Variants in HPSE2 observed in about 807,000 individuals in gnomAD.
HPSE2 encodes the protein inactive heparanase-2.
HPSE2 carries 38 observed loss-of-function variants against 60.5 expected under a neutral mutation model. The observed-to-expected ratio is 0.63, with a 90% CI of 0.48 to 0.82. The LOEUF (loss-of-function observed/expected upper bound fraction) is 0.82, where lower values mean the gene tolerates loss of function less well. Among genes scored for constraint, HPSE2 ranks in the 40% least tolerant of loss-of-function variants. The probability of loss-of-function intolerance (pLI) is 0.00; values close to 1 mark genes in which losing one functional copy is unlikely to be tolerated. For synonymous variants in HPSE2, 295 were observed against 293.2 expected (o/e 1.01, Z -0.06); for missense variants, 713 against 740.4 (o/e 0.96, Z 0.43).
chr10:99,259,684 A>G, the HPSE2 span, among the ~76,000 whole-genome samples: 6 of 152,334 alleles, frequency 3.9e-5, no homozygotes, highest in African/African-American at 1.4e-4. Context: ...ACTCTAAGGC[A>G]GGGGTCCCCA....
At chr10:98,506,250 T>C (rs1357870332) in intron 9 of HPSE2, among the ~76,000 whole-genome samples, 2 of 152,202 alleles carry the variant, frequency 1.3e-5, no homozygotes, top group Non-Finnish European at 2.9e-5. Context: ...CTAGATCTTT[T>C]ATAATGAAAA....
At chr10:99,260,481 C>A in the HPSE2 span, among the ~76,000 whole-genome samples, 1 of 152,180 alleles carries the variant, frequency 6.6e-6, no homozygotes, top group African/African-American at 2.4e-5. Flanking sequence ...GGTAAGCAGT[C>A]TTTTCACTCT....
intron 9 of HPSE2, among the ~76,000 whole-genome samples, chr10:98,544,260 T>C (rs889732133): frequency 2.0e-5 from 3 of 152,140 alleles, no homozygotes; most frequent in African/African-American, 7.2e-5. Context: ...AAGGCAGAAA[T>C]AAAGATATTC....
chr10:98,874,248 T>C (rs1023497576), intron 3 of HPSE2, among the ~76,000 whole-genome samples: 11 of 152,128 alleles, frequency 7.2e-5, no homozygotes, highest in Non-Finnish European at 1.3e-4. Flanking sequence ...TTTGTTGCAA[T>C]TGCTTTTGGT....
chr10:98,942,899 C>T (rs1955055162), intron 3 of HPSE2, among the ~76,000 whole-genome samples: 2 of 151,370 alleles, frequency 1.3e-5, no homozygotes, highest in Admixed American at 6.6e-5. Context: ...TACTATGCAG[C>T]CATAAAAAAT....
At chr10:98,647,415 A>G (rs534869946) in intron 6 of HPSE2, among the ~76,000 whole-genome samples, 1 of 152,312 alleles carries the variant, frequency 6.6e-6, no homozygotes, top group East Asian at 1.9e-4. Flanking sequence ...TAATTGCATT[A>G]GTGCGGGCTT....
At chr10:98,615,410 C>A (rs1007211335) in intron 8 of HPSE2, among the ~76,000 whole-genome samples, 1 of 152,186 alleles carries the variant, frequency 6.6e-6, no homozygotes, top group Non-Finnish European at 1.5e-5. Context: ...TGCATTCCAT[C>A]CCTCAAACTC....
chr10:98,966,679 C>T (rs1046166236), intron 3 of HPSE2, among the ~76,000 whole-genome samples: 1 of 152,156 alleles, frequency 6.6e-6, no homozygotes, highest in Non-Finnish European at 1.5e-5. Context: ...AATCCTTCTC[C>T]TGTTAGGTAG....
intron 9 of HPSE2, among the ~76,000 whole-genome samples, chr10:98,567,052 G>A (rs550137522): frequency 2.0e-4 from 30 of 152,328 alleles, no homozygotes; most frequent in African/African-American, 6.0e-4. Context: ...GCAGTGCACA[G>A]ATATCTCTTG....
the HPSE2 span, among the ~76,000 whole-genome samples, chr10:99,301,372 G>A: frequency 6.6e-6 from 1 of 152,132 alleles, no homozygotes; most frequent in South Asian, 2.1e-4. Flanking sequence ...TAATTTTCTG[G>A]GAAAGTGAGG....
At chr10:98,931,679 T>C (rs1462894832) in intron 3 of HPSE2, among the ~76,000 whole-genome samples, 3 of 143,414 alleles carry the variant, frequency 2.1e-5, no homozygotes, top group Non-Finnish European at 4.5e-5. Flanking sequence ...AAGAGGTCCT[T>C]CACTACCCTC....
chr10:99,265,449 G>A, the HPSE2 span, among the ~76,000 whole-genome samples: 48 of 152,146 alleles, frequency 3.2e-4, no homozygotes, highest in Non-Finnish European at 5.7e-4. Flanking sequence ...GCTTGGGGCG[G>A]GGAGAGCAAA....
At chr10:99,104,859 CA>C (rs1251870623) in intron 3 of HPSE2, among the ~76,000 whole-genome samples, 1 of 151,638 alleles carries the variant, frequency 6.6e-6, no homozygotes, top group African/African-American at 2.4e-5. Context: ...GGGAATTGAA[CA>C]ATGAGAACAC....
intron 6 of HPSE2, among the ~76,000 whole-genome samples, chr10:98,677,688 G>A (rs977652139): frequency 5.3e-5 from 8 of 152,154 alleles, no homozygotes; most frequent in Non-Finnish European, 1.5e-5. Context: ...TATTTGACTT[G>A]AAAGACCTTG....
intron 3 of HPSE2, among the ~76,000 whole-genome samples, chr10:98,749,499 A>G (rs1344844047): frequency 6.6e-6 from 1 of 151,596 alleles, no homozygotes; most frequent in Non-Finnish European, 1.5e-5. Flanking sequence ...ACAGATATAT[A>G]TATGCATATA....
intron 2 of HPSE2, among the ~76,000 whole-genome samples, chr10:99,147,584 T>C (rs1420106810): frequency 6.6e-6 from 1 of 152,120 alleles, no homozygotes; most frequent in African/African-American, 2.4e-5. Context: ...ATAAAGTAAC[T>C]ACATTACCTT....
At chr10:98,929,611 G>T (rs1954587238) in intron 3 of HPSE2, among the ~76,000 whole-genome samples, 1 of 143,534 alleles carries the variant, frequency 7.0e-6, no homozygotes, top group Non-Finnish European at 1.5e-5. Context: ...ATAGATAAGA[G>T]GCTTGCTCTG....
chr10:98,861,332 T>G (rs1952454231), intron 3 of HPSE2, among the ~76,000 whole-genome samples: 1 of 152,194 alleles, frequency 6.6e-6, no homozygotes. Flanking sequence ...CTTTCTTATT[T>G]GCTGATATTT....
the HPSE2 span, among the ~76,000 whole-genome samples, chr10:99,289,048 AT>A: frequency 1.3e-5 from 2 of 152,116 alleles, no homozygotes; most frequent in African/African-American, 4.8e-5. Flanking sequence ...GCCCCAAAAG[AT>A]TTTTTCACAT....
Sources: gnomAD v4.1 joint callset for allele counts (sites outside exome capture counted in the v4.1 genomes callset) on GRCh38, gnomAD v4.1.1 for gene constraint, MANE v1.5 for transcripts, NCBI Gene and HGNC (gene_info 2026-07-23, HGNC 2026-07-21) for gene names.